FBRS: variants seen among roughly 807,000 people sequenced by gnomAD.
The protein encoded by FBRS is fibrosin.
Under a neutral mutation model 86.1 loss-of-function variants are expected in FBRS, and 15 were observed. That is an observed-to-expected ratio of 0.17 (90% CI 0.12 to 0.27). The LOEUF is 0.27. Ranked by LOEUF, FBRS falls within the 10% of genes least tolerant of loss-of-function variation. FBRS has a pLI of 1.00. For missense variants in FBRS, 1,367 were observed against 1,301.6 expected (o/e 1.05, Z -0.77); for synonymous variants, 666 against 575.8 (o/e 1.16, Z -2.24).
At chr16:30,666,768 G>A in intron 12 of FBRS, 151 bp from the exon 13 acceptor site, 1 of 1,088,140 alleles carries the variant, frequency 9.2e-7, no homozygotes. Flanking sequence ...AGTTTCCTAG[G>A]CTGTAAAATG....
rs2052423361 is a variant in FBRS, at chr16:30,659,268, G to T, written c.-251G>T. ...GGGGCCTCGCCTTAAAGGGACGGCC[G>T]CCCCGTTTTCGCCGTCGCGGCCCCG... On this transcript the variant is annotated 5_prime_UTR_variant, in exon 1 of 18. Coordinates refer to ENST00000356166, the MANE Select transcript of FBRS (RefSeq NM_001105079.3). The T allele has an allele frequency of 5.8e-6, 1 of 171,486 alleles. No individual in the cohort carries two copies. The highest frequency in any genetic ancestry group is 2.5e-3 in the Middle Eastern group (1 of 398). 10.6% of individuals were successfully genotyped at this position (171,486 alleles called of 1,614,324 possible). A position where few individuals can be genotyped will look rare whatever the true frequency, so the allele number is the denominator to read the frequency against.
At position 30,664,311 on chromosome 16, in the gene FBRS, C is replaced by A; in HGVS notation, c.1152C>A (p.Ser384=). 6.5e-7 allele frequency: 1 copy of A among 1,540,666 alleles called. No individual in the cohort carries two copies. Among genetic ancestry groups the A allele is most frequent in the Non-Finnish European group, 8.8e-7 (1 of 1,140,378 alleles). Residue 384 remains serine, a synonymous_variant, in exon 7 of 18, where the codon TCC becomes TCA. Coordinates refer to ENST00000356166, the MANE Select transcript of FBRS (RefSeq NM_001105079.3). ...SSSSSSSSAS[S]SSAQLTHRPP... ...CCTCCTCCTCCTCATCTGCCTCCTCCTCGTCCGCGCAGCTCACCCACCGGC... is the reference window on the plus strand; with the variant it reads ...CCTCCTCCTCCTCATCTGCCTCCTCATCGTCCGCGCAGCTCACCCACCGGC...
chr16:30,666,576 T>C (rs373080054), intron 12 of FBRS, 35 bp downstream of exon 12: 105 of 1,613,784 alleles, frequency 6.5e-5, no homozygotes, highest in Non-Finnish European at 8.6e-5. Context: ...TGCATGAGGC[T>C]GGGGGCTGGT....
chr16:30,662,847 T>A lies in FBRS; in HGVS notation c.1043T>A (p.Leu348His), dbSNP rs1019121883. 4.6e-5 allele frequency: 67 copies of A among 1,448,770 alleles called. 1 individual carries two copies. The highest frequency in any genetic ancestry group is 3.6e-4 in the Middle Eastern group (2 of 5,516). The allele number at this position is 1,448,770 out of a possible 1,614,324, so 89.7% of individuals were successfully genotyped here. ...RTSPYGSSLDLSTGSSSRPPP... is the reference protein window; with the variant it reads ...RTSPYGSSLDHSTGSSSRPPP... ...TCTCCATATGGCAGCAGCCTGGACC[T>A]CAGCACTGGCAGGTGAGTGGTCTTG... The change falls in exon 6 of 18, where the codon CTC (leucine) becomes CAC (histidine). Residue 348 changes from leucine to histidine, a missense_variant. Around this residue, in one of 3 missense-constraint regions of FBRS, gnomAD observed 702 missense variants for 598.7 expected, o/e 1.17. Coordinates refer to ENST00000356166, the MANE Select transcript of FBRS (RefSeq NM_001105079.3).
chr16:30,660,731 G>A (rs2052449748), intron 2 of FBRS: 1 of 471,302 alleles, frequency 2.1e-6, no homozygotes, highest in Non-Finnish European at 3.5e-6. Context: ...GCCCTTCCTC[G>A]AGGTGGTGGC....
rs1419725463 is a variant in FBRS at position 30,669,191 on chromosome 16, A to G, written c.2489A>G (p.Glu830Gly). ...SVRVKEERKE[E>G]AAAAAAAAAA... ...CGGGTAAAGGAAGAGCGGAAGGAGG[A>G]GGCTGCCGCCGCCGCTGCCGCTGCT... Residue 830 changes from glutamate to glycine, a missense_variant, in exon 18 of 18, where the codon GAG becomes GGG. Glu to Gly is a moderately conservative substitution (Grantham distance 98, BLOSUM62 -2). Around this residue, in one of 3 missense-constraint regions of FBRS, gnomAD observed 659 missense variants for 678.8 expected, o/e 0.97. Transcript: ENST00000356166. This position sits in a 1 kb window ranked among gnomAD's most constrained non-coding sequence, Gnocchi z 5.9. 2 of 1,549,366 alleles carry G rather than the reference A, an allele frequency of 1.3e-6. No homozygotes were observed. Among genetic ancestry groups the G allele is most frequent in the Non-Finnish European group, 1.7e-6 (2 of 1,146,722 alleles).
rs1314976380 is a variant in FBRS, at chr16:30,665,003, C to G, written c.1564-32C>G. On this transcript the variant is annotated intron_variant, in intron 8 of 17. Coordinates refer to ENST00000356166, the MANE Select transcript of FBRS (RefSeq NM_001105079.3). This position sits in a 1 kb window ranked among gnomAD's most constrained non-coding sequence, Gnocchi z 4.1. Reference sequence around the variant, plus strand: ...TCTGGGGGAAGGCCCGGGTCCCTGGCTGGCAGCTTACTCTTCCCTTCTCTT... The same window carrying G: ...TCTGGGGGAAGGCCCGGGTCCCTGGGTGGCAGCTTACTCTTCCCTTCTCTT... 1 of 1,611,626 alleles carries G rather than the reference C, an allele frequency of 6.2e-7. No homozygotes were observed. Among genetic ancestry groups the G allele is most frequent in the Non-Finnish European group, 8.5e-7 (1 of 1,178,684 alleles).
chr16:30,670,212 CCT>C lies in FBRS; in HGVS notation c.*572_*573del, dbSNP rs367684452. 6.5e-6 allele frequency: 3 copies of C among 458,066 alleles called. No individual in the cohort carries two copies. The highest frequency in any genetic ancestry group is 1.5e-5 in the South Asian group (1 of 64,562). 28.4% of individuals were successfully genotyped at this position (458,066 alleles called of 1,614,324 possible). A position where few individuals can be genotyped will look rare whatever the true frequency, so the allele number is the denominator to read the frequency against. ...CTGGTGCTGTGTTCCTAGCCTCTGG[CCT>C]CTCTGTGGGGAAAGGGGACTGCAGG... On this transcript the variant is annotated 3_prime_UTR_variant, in exon 18 of 18. Transcript: ENST00000356166.
chr16:30,665,772 T>C lies in FBRS; in HGVS notation c.1773+66T>C. On this transcript the variant is annotated intron_variant, in intron 11 of 17. Coordinates refer to ENST00000356166, the MANE Select transcript of FBRS (RefSeq NM_001105079.3). The surrounding 1 kb of genome is among the most constrained non-coding windows in gnomAD (Gnocchi z 4.1). Reference sequence around the variant, plus strand: ...TGTTGCGGGGAGAACAGAACTGACTTGAGGAGAGTGAACTGCTGATTCCTC... The same window carrying C: ...TGTTGCGGGGAGAACAGAACTGACTCGAGGAGAGTGAACTGCTGATTCCTC... 1 of 1,452,590 alleles carries C rather than the reference T, an allele frequency of 6.9e-7. No homozygotes were observed. The highest frequency in any genetic ancestry group is 9.4e-7 in the Non-Finnish European group (1 of 1,060,676). The allele number at this position is 1,452,590 out of a possible 1,614,324, so 90.0% of individuals were successfully genotyped here.
intron 15 of FBRS, 82 bp downstream of exon 15, chr16:30,667,704 G>A: frequency 7.8e-7 from 1 of 1,285,664 alleles, no homozygotes. Context: ...CAGGCAGCTG[G>A]AATGCAGGAT....
chr16:30,668,593 T>C lies in FBRS; in HGVS notation c.2108T>C (p.Leu703Ser), dbSNP rs1169603182. 1.2e-6 allele frequency: 2 copies of C among 1,605,564 alleles called. No homozygotes were observed. The highest frequency in any genetic ancestry group is 1.7e-6 in the Non-Finnish European group (2 of 1,175,338). The change falls in exon 16 of 18, where the codon TTG becomes TCG. Residue 703 changes from leucine to serine, a missense_variant. Leu to Ser is a moderately radical substitution (Grantham distance 145). This residue lies in a region of FBRS where 659 missense variants were observed against 678.8 expected (regional missense o/e 0.97). Coordinates refer to ENST00000356166, the MANE Select transcript of FBRS (RefSeq NM_001105079.3). ...GGGCGTCCCACAAGCTTCGCCTCTTTGGCTGCCCTCTCCAACGGGGCCTTT... is the reference window on the plus strand; with the variant it reads ...GGGCGTCCCACAAGCTTCGCCTCTTCGGCTGCCCTCTCCAACGGGGCCTTT... ...PFGRPTSFASLAALSNGAFGG... is the reference protein window; with the variant it reads ...PFGRPTSFASSAALSNGAFGG...
At chr16:30,660,679 G>A (rs2052449330) in intron 2 of FBRS, 9 of 613,308 alleles carry the variant, frequency 1.5e-5, no homozygotes, top group Admixed American at 3.9e-5. Flanking sequence ...TCAGAGAGGC[G>A]TCAAAGGAAT....
Position 30,669,119 on chromosome 16 carries a change from AGGCCCG to A in FBRS, c.2421_2426del (p.Arg808_Ala809del). On this transcript the variant is annotated inframe_deletion, in exon 18 of 18. Coordinates refer to ENST00000356166, the MANE Select transcript of FBRS (RefSeq NM_001105079.3). This position sits in a 1 kb window ranked among gnomAD's most constrained non-coding sequence, Gnocchi z 5.9. The stretch of plus-strand genomic sequence containing the variant: ...CTCCGAGTTTCTCCTGCTACTCCCA[AGGCCCG>A]GGCTGGTGAGGAGGGGCCTCGGCCA... 1 of 1,590,580 alleles carries A rather than the reference AGGCCCG, an allele frequency of 6.3e-7. No homozygotes were observed. The highest frequency in any genetic ancestry group is 8.6e-7 in the Non-Finnish European group (1 of 1,169,560).
At chr16:30,663,541 T>C (rs1248418320) in intron 6 of FBRS, among the ~76,000 whole-genome samples, 1 of 149,766 alleles carries the variant, frequency 6.7e-6, no homozygotes, top group Non-Finnish European at 1.5e-5. Flanking sequence ...GGAAATTGAG[T>C]TCTTAAAAGA....
At chr16:30,666,409 T>C in intron 11 of FBRS, 103 bp from the exon 12 acceptor site, 1 of 1,425,072 alleles carries the variant, frequency 7.0e-7, no homozygotes, top group Non-Finnish European at 9.9e-7. Context: ...GGAGTCCCAG[T>C]GTCTCAGGCA....
chr16:30,662,675 G>C lies in FBRS; in HGVS notation c.871G>C (p.Val291Leu). The C allele has an allele frequency of 1.3e-6, 2 of 1,549,428 alleles. No homozygotes were observed. Among genetic ancestry groups the C allele is most frequent in the Non-Finnish European group, 1.7e-6 (2 of 1,146,330 alleles). Residue 291 changes from valine to leucine, a missense_variant, in exon 6 of 18, where the codon GTG becomes CTG. By Grantham distance (32) the Val-to-Leu change is conservative (BLOSUM62 1). This residue lies in a region of FBRS where 702 missense variants were observed against 598.7 expected (regional missense o/e 1.17). Transcript: ENST00000356166. ...EQPPGPDPLL[V>L]PFPPKEPPPP... ...GCCCCCGGGGCCCGACCCGCTGCTA[G>C]TGCCTTTCCCCCCAAAGGAACCACC...
At position 30,665,715 on chromosome 16, in the gene FBRS, GC is replaced by G; in HGVS notation, c.1773+11del. 6.4e-7 allele frequency: 1 copy of G among 1,572,554 alleles called. No homozygotes were observed. Among genetic ancestry groups the G allele is most frequent in the Non-Finnish European group, 8.6e-7 (1 of 1,158,690 alleles). On this transcript the variant is annotated intron_variant, in intron 11 of 17. Transcript: ENST00000356166. The surrounding 1 kb of genome is among the most constrained non-coding windows in gnomAD (Gnocchi z 4.1). The stretch of plus-strand genomic sequence containing the variant: ...CCCAGAAGGGGACACAGGTGAGGGG[GC>G]CAGGGCAGGTCCTGGGGGAGCTGGA...
chr16:30,661,145 C>G lies in FBRS; in HGVS notation c.640-35C>G, dbSNP rs758870670. 2.1e-4 allele frequency: 332 copies of G among 1,549,906 alleles called. 1 individual carries two copies. Among genetic ancestry groups the G allele is most frequent in the Non-Finnish European group, 2.8e-4 (324 of 1,146,966 alleles). On this transcript the variant is annotated intron_variant, in intron 2 of 17. Transcript: ENST00000356166. ...CGACTTTCCCAGCTGCCTCAGCAGC[C>G]GCCTCCCTCACCTCTGGACTCTGGT... is the stretch of plus-strand genomic sequence containing the variant.
intron 4 of FBRS, among the ~76,000 whole-genome samples, chr16:30,661,802 A>G (rs375240290): frequency 8.5e-5 from 13 of 152,292 alleles, no homozygotes; most frequent in African/African-American, 3.1e-4. Flanking sequence ...GTTGTGAGAT[A>G]GTATGTCCTA....
Sources: allele counts gnomAD v4.1 joint callset (sites outside exome capture counted in the v4.1 genomes callset), GRCh38; gene constraint gnomAD v4.1.1; regional missense constraint gnomAD v4.1.1; non-coding constraint Gnocchi (gnomAD v3.1); transcripts MANE v1.5; gene names NCBI Gene and HGNC (gene_info 2026-07-23, HGNC 2026-07-21).